The following NDRG1 variants were observed in gnomAD, a reference collection of about 807,000 sequenced individuals.
NDRG1 encodes the protein N-myc downstream regulated 1.
A neutral mutation model predicts 56.9 loss-of-function variants in NDRG1; 32 were observed. The observed-to-expected ratio is 0.56, with a 90% confidence interval of 0.42 to 0.76. The LOEUF (loss-of-function observed/expected upper bound fraction) is 0.76. Among genes scored for constraint, NDRG1 ranks in the 30% least tolerant of loss-of-function variants. The pLI is 0.00. For synonymous variants in NDRG1, 211 were observed against 204.1 expected (o/e 1.03, Z -0.29); for missense variants, 507 against 545.7 (o/e 0.93, Z 0.71).
At chr8:133,248,250 C>T (rs943839989) in intron 11 of NDRG1, among the ~76,000 whole-genome samples, 4 of 152,182 alleles carry the variant, frequency 2.6e-5, no homozygotes, top group Non-Finnish European at 4.4e-5. Flanking sequence ...AAGGCAATGA[C>T]GTGCCAGGTT....
chr8:133,269,313 C>A (rs1229149125), intron 3 of NDRG1, among the ~76,000 whole-genome samples: 2 of 152,190 alleles, frequency 1.3e-5, no homozygotes, highest in African/African-American at 4.8e-5. Flanking sequence ...CCACAGAAGA[C>A]CCTGCTCACA....
rs1296056019 is a variant in NDRG1, at chr8:133,243,927, GACATGTGTACACATGCACACAC to G, written c.891+406_891+427del. Among the ~76,000 whole-genome samples, 28 of 151,860 alleles carry G rather than the reference GACATGTGTACACATGCACACAC, an allele frequency of 1.8e-4. No homozygotes were observed. In the South Asian group the frequency reaches 2.6e-3, roughly 14 times the overall value. ...GCACACACATTTACACATGCACACA[GACATGTGTACACATGCACACAC>G]ACAGACGTGTACACATGCACACACA... On this transcript the variant is annotated intron_variant, in intron 14 of 15. Transcript: ENST00000323851.
chr8:133,247,442 G>T (rs951355426), intron 12 of NDRG1, among the ~76,000 whole-genome samples: 1 of 152,214 alleles, frequency 6.6e-6, no homozygotes, highest in African/African-American at 2.4e-5. Flanking sequence ...CCACAAAGTT[G>T]CAGGTGGGAG....
At chr8:133,270,822 C>A (rs1051918726) in intron 3 of NDRG1, among the ~76,000 whole-genome samples, 2 of 152,190 alleles carry the variant, frequency 1.3e-5, no homozygotes, top group African/African-American at 4.8e-5. Context: ...AATGATATAA[C>A]CACCACGTGC....
chr8:133,254,423 G>A lies in NDRG1; in HGVS notation c.594+116C>T, dbSNP rs1048657736. The stretch of plus-strand genomic sequence containing the variant: ...ACATTATCTCATGAGCACCAGCTCG[G>A]TGGCCCCCAGTTGATTGTGTCTTGT... On this transcript the variant is annotated intron_variant, in intron 9 of 15. Coordinates refer to ENST00000323851, the MANE Select transcript of NDRG1 (RefSeq NM_006096.4). The A allele has an allele frequency of 1.5e-5, 15 of 975,552 alleles. No individual in the cohort carries two copies. The Admixed American group carries it at 2.2e-4, about 14-fold the overall frequency. The allele number at this position is 975,552 out of a possible 1,614,324, so 60.4% of individuals were successfully genotyped here.
intron 9 of NDRG1, among the ~76,000 whole-genome samples, chr8:133,254,109 A>T (rs1856233910): frequency 6.6e-6 from 1 of 152,062 alleles, no homozygotes; most frequent in South Asian, 2.1e-4. Flanking sequence ...CTACTATATA[A>T]TGCCATTTAT....
intron 2 of NDRG1, among the ~76,000 whole-genome samples, 194 bp downstream of exon 2, chr8:133,284,055 T>C (rs994634222): frequency 6.6e-6 from 1 of 152,278 alleles, no homozygotes; most frequent in Non-Finnish European, 1.5e-5. Flanking sequence ...AAATGTGTTA[T>C]GTGTGTACGC....
intron 7 of NDRG1, among the ~76,000 whole-genome samples, chr8:133,258,095 A>G (rs1415938627): frequency 6.6e-6 from 1 of 152,184 alleles, no homozygotes; most frequent in Non-Finnish European, 1.5e-5. Context: ...CAGAGTACTC[A>G]GTGAGTGAGG....
intron 3 of NDRG1, chr8:133,264,995 C>A (rs1856845876): frequency 2.7e-6 from 1 of 371,280 alleles, no homozygotes; most frequent in South Asian, 2.3e-5. Context: ...GCTTCCTTGC[C>A]CTCAGGCCCC....
intron 2 of NDRG1, among the ~76,000 whole-genome samples, chr8:133,280,524 C>T (rs893444820): frequency 8.6e-5 from 13 of 151,688 alleles, no homozygotes; most frequent in Admixed American, 4.6e-4. Context: ...CCCAGGGTCA[C>T]GCCATTCTCC....
At chr8:133,253,587 A>G (rs1564286193) in intron 9 of NDRG1, among the ~76,000 whole-genome samples, 1 of 152,252 alleles carries the variant, frequency 6.6e-6, no homozygotes, top group Non-Finnish European at 1.5e-5. Flanking sequence ...TACTGACCAG[A>G]TTTATAACAG....
chr8:133,283,841 T>C (rs973958454), intron 2 of NDRG1, among the ~76,000 whole-genome samples: 2 of 152,210 alleles, frequency 1.3e-5, no homozygotes, highest in Admixed American at 1.3e-4. Context: ...AGGCAGTCCC[T>C]ATGGGCAACT....
intron 3 of NDRG1, 151 bp downstream of exon 3, chr8:133,280,081 G>A: frequency 1.1e-5 from 9 of 848,732 alleles, no homozygotes; most frequent in Middle Eastern, 2.3e-4. Flanking sequence ...TCTGGGAGCA[G>A]CAGCTGAGGG....
chr8:133,247,768 C>A, intron 12 of NDRG1, 107 bp downstream of exon 12: 1 of 1,199,546 alleles, frequency 8.3e-7, no homozygotes, highest in Admixed American at 1.7e-5. Context: ...ACATCACCTG[C>A]CCTGATGGGG....
At position 133,244,373 on chromosome 8, in the gene NDRG1, G is replaced by C. The variant is rs769421428; in HGVS notation, c.873C>G (p.Gly291=). ...TTLLKMADCG[G]LPQISQPAKL... is the part of the protein sequence containing the mutation. ...CACTCACCTGGGAGATCTGCGGGAG[G>C]CCGCCACAGTCCGCCATCTAGGAGA... The change falls in exon 14 of 16, where the codon GGC becomes GGG. Residue 291 remains glycine (G), a synonymous_variant. Coordinates refer to ENST00000323851, the MANE Select transcript of NDRG1 (RefSeq NM_006096.4). 23 of 1,614,208 alleles carry C rather than the reference G, an allele frequency of 1.4e-5. No individual in the cohort carries two copies. The highest frequency in any genetic ancestry group is 1.9e-5 in the Non-Finnish European group (23 of 1,180,030).
Position 133,288,692 on chromosome 8 carries a change from AG to A in NDRG1, c.-18-4364del, listed in dbSNP as rs577080217. Reference sequence around the variant, plus strand: ...CCTCCAGCAGGTGGGGTGGCAAGGCAGGGCCACACACAGCATGGCGGGGGAA... The same window carrying A: ...CCTCCAGCAGGTGGGGTGGCAAGGCAGGCCACACACAGCATGGCGGGGGAA... On this transcript the variant is annotated intron_variant, in intron 1 of 15. Transcript: ENST00000323851. Among the ~76,000 whole-genome samples, 364 of 152,364 alleles carry A rather than the reference AG, an allele frequency of 2.4e-3. 1 individual carries two copies. Among genetic ancestry groups the A allele is most frequent in the Non-Finnish European group, 4.1e-3 (279 of 68,032 alleles).
chr8:133,293,381 G>A (rs1186132490), intron 1 of NDRG1, among the ~76,000 whole-genome samples: 1 of 152,202 alleles, frequency 6.6e-6, no homozygotes, highest in African/African-American at 2.4e-5. Flanking sequence ...AGAGGGTGTG[G>A]GTGGCCTCCA....
chr8:133,238,885 G>T lies in NDRG1; in HGVS notation c.1178C>A (p.Ser393Tyr). The change falls in exon 16 of 16, where the codon TCC (serine) becomes TAC (tyrosine). Residue 393 changes from serine (S) to tyrosine (Y), a missense_variant. Physicochemically the swap from Ser to Tyr is moderately radical, Grantham distance 144. Transcript: ENST00000323851. Reference sequence around the variant, plus strand: ...GGCAGCTGGGCAGGCCGCCTAGCAGGAGACCTCCATGGACTTGGGCCCGGC... The same window carrying T: ...GGCAGCTGGGCAGGCCGCCTAGCAGTAGACCTCCATGGACTTGGGCCCGGC... ...NSAGPKSMEVSC is the reference protein window; with the variant it reads ...NSAGPKSMEVYC The T allele has an allele frequency of 6.4e-7, 1 of 1,554,668 alleles. No individual in the cohort carries two copies.
intron 6 of NDRG1, 141 bp from the exon 7 acceptor site, chr8:133,258,567 G>T: frequency 3.7e-6 from 3 of 811,892 alleles, no homozygotes; most frequent in Admixed American, 2.1e-5. Flanking sequence ...ACAGCTCTGA[G>T]GTCACCATGC....
Sources: allele counts gnomAD v4.1 joint callset (sites outside exome capture counted in the v4.1 genomes callset), GRCh38; gene constraint gnomAD v4.1.1; transcripts MANE v1.5; gene names NCBI Gene and HGNC (gene_info 2026-07-23, HGNC 2026-07-21).